SNX9: variants seen among roughly 807,000 people sequenced by gnomAD.
The protein encoded by SNX9 is sorting nexin 9.
Under a neutral mutation model 89.4 loss-of-function variants are expected in SNX9, and 44 were observed. The observed-to-expected ratio is 0.49, with a 90% CI of 0.39 to 0.63. The LOEUF (loss-of-function observed/expected upper bound fraction) is 0.63, where lower values mean the gene tolerates loss of function less well. Among genes scored for constraint, SNX9 ranks in the 30% least tolerant of loss-of-function variants. SNX9 has a pLI of 0.00. For synonymous variants in SNX9, 236 were observed against 247.8 expected (o/e 0.95, Z 0.45); for missense variants, 578 against 736.1 (o/e 0.79, Z 2.49).
At chr6:157,845,105 C>CT (rs35257389) in intron 1 of SNX9, among the ~76,000 whole-genome samples, 29,853 of 124,790 alleles carry the variant, frequency 0.24, 4,449 homozygotes, top group African/African-American at 0.44. Context: ...TCCCATTTGT[C>CT]TTTTTTTTTT....
chr6:157,825,751 T>C (rs1781330922), intron 1 of SNX9, among the ~76,000 whole-genome samples: 1 of 152,212 alleles, frequency 6.6e-6, no homozygotes, highest in South Asian at 2.1e-4. Context: ...GTGATTCTTG[T>C]GTCAAACCAA....
At chr6:157,928,255 AT>A (rs1783736451) in intron 11 of SNX9, among the ~76,000 whole-genome samples, 1 of 152,200 alleles carries the variant, frequency 6.6e-6, no homozygotes, top group Non-Finnish European at 1.5e-5. Context: ...GCCAGCTAGC[AT>A]TAGCAACCCC....
chr6:157,905,287 A>G (rs911954196), intron 6 of SNX9, among the ~76,000 whole-genome samples: 9 of 152,230 alleles, frequency 5.9e-5, no homozygotes, highest in Non-Finnish European at 1.3e-4. Flanking sequence ...CACATGAATG[A>G]AAGTAGAAGC....
chr6:157,874,943 G>A (rs1268395865), intron 3 of SNX9, 108 bp from the exon 4 acceptor site: 1 of 1,256,908 alleles, frequency 8.0e-7, no homozygotes, highest in African/African-American at 1.5e-5. Context: ...AGAGAAATTT[G>A]TAGCATTGAA....
rs1562588667 is a variant in SNX9 at position 157,834,149 on chromosome 6, GGT to G, written c.12+10704_12+10705del. ...GATCCTGCCATGTGGTGTCCACTGTGGTTTTTTTTTTTTTTTTTTTTTTTTTT... is the reference window on the plus strand; with the variant it reads ...GATCCTGCCATGTGGTGTCCACTGTGTTTTTTTTTTTTTTTTTTTTTTTTT... On this transcript the variant is annotated intron_variant, in intron 1 of 17. Transcript: ENST00000392185. Among the ~76,000 whole-genome samples the G allele has an allele frequency of 2.0e-4, 12 of 60,066 alleles. 1 individual carries two copies. Among genetic ancestry groups the G allele is most frequent in the Middle Eastern group, 9.3e-3 (1 of 108 alleles). The allele number at this position is 60,066 out of a possible 152,430, so 39.4% of individuals were successfully genotyped here.
At chr6:157,931,974 A>G (rs184265834) in intron 12 of SNX9, among the ~76,000 whole-genome samples, 77 of 152,344 alleles carry the variant, frequency 5.1e-4, no homozygotes, top group Non-Finnish European at 8.4e-4. Flanking sequence ...TGTAGGAGTG[A>G]TTGTCAGTAA....
intron 2 of SNX9, among the ~76,000 whole-genome samples, chr6:157,868,492 C>T (rs1389054794): frequency 6.6e-6 from 1 of 152,096 alleles, no homozygotes; most frequent in Non-Finnish European, 1.5e-5. Flanking sequence ...AAAGTCAAAT[C>T]TTTGTAGACT....
chr6:157,888,712 A>G (rs1782789529), intron 4 of SNX9, among the ~76,000 whole-genome samples: 2 of 152,186 alleles, frequency 1.3e-5, no homozygotes, highest in African/African-American at 4.8e-5. Context: ...TAAACCCTAA[A>G]AGTCATCTTT....
At chr6:157,888,631 CCTT>C (rs779578022) in intron 4 of SNX9, among the ~76,000 whole-genome samples, 8 of 151,340 alleles carry the variant, frequency 5.3e-5, no homozygotes, top group Admixed American at 1.3e-4. Context: ...ACCTTCTTCT[CCTT>C]CTCCTTCTCC....
intron 3 of SNX9, 83 bp from the exon 4 acceptor site, chr6:157,874,968 T>C: frequency 1.4e-6 from 2 of 1,472,320 alleles, no homozygotes; most frequent in Admixed American, 2.1e-5. Context: ...ATAAACCCTT[T>C]TTGACAATTC....
chr6:157,823,270 T>G lies in SNX9; in HGVS notation c.-165T>G, dbSNP rs938949179. ...CGGGAGTAGCCGAGCGCCCAGCGGC[T>G]GGGCCTGAGCGTCGAGACTCGGGGC... On this transcript the variant is annotated 5_prime_UTR_variant, in exon 1 of 18. Transcript: ENST00000392185. This position sits in a 1 kb window ranked among gnomAD's most constrained non-coding sequence, Gnocchi z 4.6. 2.5e-5 allele frequency: 10 copies of G among 398,182 alleles called. No individual in the cohort carries two copies. Among genetic ancestry groups the G allele is most frequent in the Non-Finnish European group, 3.4e-5 (9 of 262,972 alleles). 24.7% of individuals were successfully genotyped at this position (398,182 alleles called of 1,614,324 possible).
intron 1 of SNX9, among the ~76,000 whole-genome samples, chr6:157,840,814 T>C (rs772491005): frequency 6.6e-6 from 1 of 152,180 alleles, no homozygotes; most frequent in Non-Finnish European, 1.5e-5. Context: ...TTCGAGATTT[T>C]GTCTGATAGA....
chr6:157,915,930 C>A (rs1179567928), intron 9 of SNX9, among the ~76,000 whole-genome samples: 2 of 150,562 alleles, frequency 1.3e-5, no homozygotes, highest in Non-Finnish European at 3.0e-5. Context: ...ATATAGAGAT[C>A]GCTTGATTTT....
Position 157,915,623 on chromosome 6 carries a change from T to TA in SNX9, c.949+5616dup, listed in dbSNP as rs1172699831. Among the ~76,000 whole-genome samples, 496 of 71,244 alleles carry TA rather than the reference T, an allele frequency of 7.0e-3. 19 individuals are homozygous for TA. Among genetic ancestry groups the TA allele is most frequent in the East Asian group, 0.036 (125 of 3,508 alleles). The allele number at this position is 71,244 out of a possible 152,430, so 46.7% of individuals were successfully genotyped here. A position where few individuals can be genotyped will look rare whatever the true frequency, so the allele number is the denominator to read the frequency against. On this transcript the variant is annotated intron_variant, in intron 9 of 17. Coordinates refer to ENST00000392185, the MANE Select transcript of SNX9 (RefSeq NM_016224.5). Reference sequence around the variant, plus strand: ...CAACATGGCAAAACCCCATCTCTACTAAAAAAAAAAAAAAAAAATATATAT... The same window carrying TA: ...CAACATGGCAAAACCCCATCTCTACTAAAAAAAAAAAAAAAAAAATATATAT...
chr6:157,913,301 TTTTATTTATTTA>T (rs148649639), intron 9 of SNX9, among the ~76,000 whole-genome samples: 2 of 151,390 alleles, frequency 1.3e-5, no homozygotes, highest in South Asian at 2.1e-4. Context: ...TCTATCTATA[TTTTATTTATTTA>T]TTTATTTATT....
intron 8 of SNX9, 47 bp downstream of exon 8, chr6:157,909,837 T>G: frequency 6.2e-7 from 1 of 1,612,054 alleles, no homozygotes. Flanking sequence ...GGATCACTGA[T>G]TGCAGCTTGC....
At chr6:157,873,277 A>T (rs1782452441) in intron 3 of SNX9, 101 bp downstream of exon 3, 2 of 749,500 alleles carry the variant, frequency 2.7e-6, no homozygotes, top group South Asian at 6.2e-5. Context: ...TGCAAAACAA[A>T]ATTTCCATTG....
chr6:157,823,945 CG>C lies in SNX9; in HGVS notation c.12+504del, dbSNP rs1158520267. ...ACGCGGCGCTTCCCGTCCCGGCCTG[CG>C]GGGGCTCGCGGCCGGGGAGGGACCG... On this transcript the variant is annotated intron_variant, in intron 1 of 17. Transcript: ENST00000392185. The surrounding 1 kb of genome is among the most constrained non-coding windows in gnomAD (Gnocchi z 4.6). Among the ~76,000 whole-genome samples, 1 of 151,966 alleles carries C rather than the reference CG, an allele frequency of 6.6e-6. No homozygotes were observed. The highest frequency in any genetic ancestry group is 1.9e-4 in the East Asian group (1 of 5,158).
chr6:157,931,840 GTC>G (rs994707635), intron 12 of SNX9, among the ~76,000 whole-genome samples: 1 of 152,220 alleles, frequency 6.6e-6, no homozygotes, highest in African/African-American at 2.4e-5. Flanking sequence ...TGAGGATGGT[GTC>G]TCTGCATCTG....
Sources: allele counts gnomAD v4.1 joint callset (sites outside exome capture counted in the v4.1 genomes callset), GRCh38; gene constraint gnomAD v4.1.1; non-coding constraint Gnocchi (gnomAD v3.1); transcripts MANE v1.5; gene names NCBI Gene and HGNC (gene_info 2026-07-23, HGNC 2026-07-21).